TMEM132D: variants seen among roughly 807,000 people sequenced by gnomAD.
TMEM132D encodes transmembrane protein 132D.
In TMEM132D, 21 loss-of-function variants were observed where a neutral mutation model predicts 62.3. That is an observed-to-expected ratio of 0.34 (90% CI 0.24 to 0.49). The LOEUF (loss-of-function observed/expected upper bound fraction) is 0.49. Among genes scored for constraint, TMEM132D ranks in the 20% least tolerant of loss-of-function variants. The probability of loss-of-function intolerance (pLI) is 0.99; values close to 1 mark genes in which losing one functional copy is unlikely to be tolerated. For synonymous variants in TMEM132D, 621 were observed against 575.6 expected, an observed-to-expected ratio of 1.08 and a Z score of -1.13; for missense variants, 1,346 against 1,402.8, an observed-to-expected ratio of 0.96 and a Z score of 0.65.
At chr12:129,864,841 A>T (rs1447904672) in intron 1 of TMEM132D, among the ~76,000 whole-genome samples, 1 of 152,184 alleles carries the variant, frequency 6.6e-6, no homozygotes, top group African/African-American at 2.4e-5. Flanking sequence ...TCTCTCACAT[A>T]GTACTCTAGA....
chr12:129,517,658 A>G (rs890657177), intron 3 of TMEM132D, among the ~76,000 whole-genome samples: 5 of 152,192 alleles, frequency 3.3e-5, no homozygotes, highest in African/African-American at 1.2e-4. Context: ...TAAAAACTAC[A>G]TGAAATTTTC....
At chr12:129,095,646 C>T (rs1185475737) in intron 5 of TMEM132D, among the ~76,000 whole-genome samples, 1 of 152,122 alleles carries the variant, frequency 6.6e-6, no homozygotes, top group Admixed American at 6.5e-5. Context: ...GCCACTGTGC[C>T]TGGCCTGGTT....
intron 1 of TMEM132D, among the ~76,000 whole-genome samples, chr12:129,896,178 T>G (rs1201076496): frequency 6.6e-6 from 1 of 151,676 alleles, no homozygotes; most frequent in African/African-American, 2.4e-5. Flanking sequence ...AGAGATGGAG[T>G]CTTGCTTTGT....
At chr12:129,376,353 C>T (rs1056879903) in intron 3 of TMEM132D, among the ~76,000 whole-genome samples, 5 of 152,180 alleles carry the variant, frequency 3.3e-5, no homozygotes, top group African/African-American at 1.2e-4. Context: ...CTTTCTTCTT[C>T]CCATGGTGGT....
intron 5 of TMEM132D, among the ~76,000 whole-genome samples, chr12:129,195,447 A>G (rs12425933): frequency 0.28 from 42,376 of 151,846 alleles, 6,667 homozygotes; most frequent in East Asian, 0.51. Flanking sequence ...GTGGAGAAAT[A>G]ATGTGATGTG....
At chr12:129,357,950 A>G (rs1462222709) in intron 3 of TMEM132D, among the ~76,000 whole-genome samples, 1 of 152,242 alleles carries the variant, frequency 6.6e-6, no homozygotes, top group Non-Finnish European at 1.5e-5. Flanking sequence ...CTTGGACATT[A>G]TCACAGGATT....
At chr12:129,832,019 G>T (rs1429958388) in intron 1 of TMEM132D, among the ~76,000 whole-genome samples, 1 of 138,192 alleles carries the variant, frequency 7.2e-6, no homozygotes, top group Non-Finnish European at 1.5e-5. Context: ...ACAGGCACCT[G>T]CCACCATGCC....
chr12:129,577,070 T>A lies in TMEM132D; in HGVS notation c.969-45865A>T, dbSNP rs147946002. On this transcript the variant is annotated intron_variant, in intron 2 of 8. Transcript: ENST00000422113. ...TTGGAAGCACTTCCAGCATCACTAG[T>A]GGCACTCTGTATGGGCCCCATGGTG... Among the ~76,000 whole-genome samples the A allele has an allele frequency of 1.1e-3, 170 of 151,948 alleles. 8 individuals carry two copies. The highest frequency in any genetic ancestry group is 3.8e-3 in the African/African-American group (158 of 41,246).
intron 2 of TMEM132D, among the ~76,000 whole-genome samples, chr12:129,579,634 G>C (rs1399753479): frequency 1.3e-5 from 2 of 152,198 alleles, no homozygotes; most frequent in Non-Finnish European, 2.9e-5. Flanking sequence ...ACGGGAGAAA[G>C]ATGAAGGCTG....
Position 129,766,912 on chromosome 12 carries a change from G to A in TMEM132D, c.80-66214C>T, listed in dbSNP as rs144344079. Among the ~76,000 whole-genome samples, 55 of 152,268 alleles carry A rather than the reference G, an allele frequency of 3.6e-4. 2 individuals carry two copies. In the East Asian group the frequency reaches 0.01, roughly 28 times the overall value. ...GTTTAGTATTGCCATGGCAACACCC[G>A]GAAGTTACCACCCATTTTCCAGCTA... On this transcript the variant is annotated intron_variant, in intron 1 of 8. Transcript: ENST00000422113.
intron 3 of TMEM132D, among the ~76,000 whole-genome samples, chr12:129,507,622 T>C (rs1875375953): frequency 6.6e-6 from 1 of 152,106 alleles, no homozygotes; most frequent in Admixed American, 6.5e-5. Flanking sequence ...AAACCAAACA[T>C]CGTATGTTCT....
chr12:129,443,501 C>T (rs1185784853), intron 3 of TMEM132D, among the ~76,000 whole-genome samples: 1 of 152,110 alleles, frequency 6.6e-6, no homozygotes. Flanking sequence ...GCAAGGCTGT[C>T]CTTGGATACC....
In TMEM132D at chr12:129,699,810, C is replaced by T. The variant is rs1301254105; in HGVS notation, c.968G>A (p.Arg323Lys). 1.2e-6 allele frequency: 2 copies of T among 1,613,610 alleles called. No homozygotes were observed. The highest frequency in any genetic ancestry group is 1.7e-5 in the Admixed American group (1 of 60,020). ...AGACAGACATTGGGAAACGACTTAC[C>T]TCAACGTGAAGCGATCTTCAGTGGA... ...RNSTEDRFTL[R>K]AKVKKGVNII... The change falls in exon 2 of 9, where the codon AGG (arginine) becomes AAG (lysine). Residue 323 changes from arginine (R) to lysine (K), a missense_variant and splice_region_variant. By Grantham distance (26) the Arg-to-Lys change is conservative. Transcript: ENST00000422113.
In TMEM132D at chr12:129,541,990, G is replaced by T. The variant is rs377344384; in HGVS notation, c.969-10785C>A. Among the ~76,000 whole-genome samples, 11 of 152,072 alleles carry T rather than the reference G, an allele frequency of 7.2e-5. No homozygotes were observed. The East Asian group carries it at 9.6e-4, about 13-fold the overall frequency. On this transcript the variant is annotated intron_variant, in intron 2 of 8. Coordinates refer to ENST00000422113, the MANE Select transcript of TMEM132D (RefSeq NM_133448.3). The stretch of plus-strand genomic sequence containing the variant: ...AAAACAAAGCAAAACAAAACAAAAA[G>T]AAACAAAGCATAATCCTTGCCTCCA...
rs138855420 is a variant in TMEM132D at position 129,846,812 on chromosome 12, A to G, written c.79+56449T>C. ...AGAATTTTTATTTGATTCTTTGTAT[A>G]TATTTTAATTTCCTGCTAATCTTGT... is the stretch of plus-strand genomic sequence containing the variant. On this transcript the variant is annotated intron_variant, in intron 1 of 8. Coordinates refer to ENST00000422113, the MANE Select transcript of TMEM132D (RefSeq NM_133448.3). Among the ~76,000 whole-genome samples, 158 of 152,286 alleles carry G rather than the reference A, an allele frequency of 1.0e-3. 1 individual carries two copies. Among genetic ancestry groups the G allele is most frequent in the African/African-American group, 3.5e-3 (144 of 41,566 alleles).
rs553883773 is a variant in TMEM132D, at chr12:129,074,847, G to A, written c.2328C>T (p.Ser776=). ...CACTCTTCCGCTTGGATTTCTGGCAGGATTCACTAATAACCATTTCCACCT... is the reference window on the plus strand; with the variant it reads ...CACTCTTCCGCTTGGATTTCTGGCAAGATTCACTAATAACCATTTCCACCT... ...LVKVEMVISE[S]CQKSKRKSVL... is the part of the protein sequence containing the mutation. The change falls in exon 9 of 9, where the codon TCC becomes TCT. Residue 776 remains serine (S), a synonymous_variant. Coordinates refer to ENST00000422113, the MANE Select transcript of TMEM132D (RefSeq NM_133448.3). 8.7e-6 allele frequency: 14 copies of A among 1,613,946 alleles called. No homozygotes were observed. The highest frequency in any genetic ancestry group is 1.7e-5 in the Admixed American group (1 of 59,996).
At chr12:129,276,279 C>T (rs1044529359) in intron 4 of TMEM132D, among the ~76,000 whole-genome samples, 4 of 152,188 alleles carry the variant, frequency 2.6e-5, no homozygotes, top group Non-Finnish European at 2.9e-5. Context: ...ACCTAAGGCA[C>T]CATTTTCTTG....
chr12:129,515,456 G>C (rs1875645139), intron 3 of TMEM132D, among the ~76,000 whole-genome samples: 1 of 152,104 alleles, frequency 6.6e-6, no homozygotes, highest in African/African-American at 2.4e-5. Context: ...TAAAATCTTA[G>C]AGTGACTTCT....
intron 1 of TMEM132D, among the ~76,000 whole-genome samples, chr12:129,900,490 G>A (rs1262136709): frequency 8.5e-5 from 13 of 152,166 alleles, no homozygotes; most frequent in African/African-American, 4.8e-5. Flanking sequence ...AGCCCCGCTC[G>A]CAATGTTGCA....
Sources: gnomAD v4.1 joint callset for allele counts (sites outside exome capture counted in the v4.1 genomes callset) on GRCh38, gnomAD v4.1.1 for gene constraint, MANE v1.5 for transcripts, NCBI Gene and HGNC (gene_info 2026-07-23, HGNC 2026-07-21) for gene names.